The following LRMDA variants were observed in gnomAD, a reference collection of about 807,000 sequenced individuals.
The protein encoded by LRMDA is leucine-rich melanocyte differentiation-associated protein.
Under a neutral mutation model 29.8 loss-of-function variants are expected in LRMDA, and 18 were observed. The ratio of observed to expected loss-of-function variants is 0.60; its 90% CI spans 0.42 to 0.90. The LOEUF is 0.90. Among genes scored for constraint, LRMDA ranks in the 40% least tolerant of loss-of-function variants. LRMDA has a pLI of 0.00. For synonymous variants in LRMDA, 125 were observed against 109.4 expected (o/e 1.14, Z -0.89); for missense variants, 273 against 273.9 (o/e 1.00, Z 0.02).
chr10:75,525,960 CT>C (rs1270257898), intron 2 of LRMDA, among the ~76,000 whole-genome samples: 9 of 151,904 alleles, frequency 5.9e-5, no homozygotes, highest in Non-Finnish European at 1.0e-4. Context: ...GATTGTAAAA[CT>C]CCTTGAAGAT....
At chr10:76,458,568 G>A (rs1177695560) in intron 6 of LRMDA, among the ~76,000 whole-genome samples, 7 of 152,168 alleles carry the variant, frequency 4.6e-5, no homozygotes, top group Non-Finnish European at 7.3e-5. Context: ...GGGGAAGCTT[G>A]AGCTCTGTCT....
In LRMDA at chr10:75,834,544, C is replaced by G. The variant is rs77698280; in HGVS notation, c.132-201464C>G. On this transcript the variant is annotated intron_variant, in intron 2 of 6. Coordinates refer to ENST00000611255, the MANE Select transcript of LRMDA (RefSeq NM_001305581.2). ...ATTAACATCCCTTCCCTCCACTTAT[C>G]TTTTCCTTCTTGCCTTTCACTATAA... Among the ~76,000 whole-genome samples the G allele has an allele frequency of 8.3e-4, 126 of 152,322 alleles. 1 individual carries two copies. Among genetic ancestry groups the G allele is most frequent in the African/African-American group, 2.9e-3 (122 of 41,578 alleles).
At chr10:75,861,436 C>G (rs1844928756) in intron 2 of LRMDA, among the ~76,000 whole-genome samples, 1 of 152,198 alleles carries the variant, frequency 6.6e-6, no homozygotes, top group African/African-American at 2.4e-5. Context: ...TCTTCTGTTA[C>G]AAGAGTCAAG....
intron 2 of LRMDA, among the ~76,000 whole-genome samples, chr10:75,508,156 C>T (rs74505797): frequency 1.3e-3 from 195 of 152,260 alleles, no homozygotes; most frequent in African/African-American, 4.5e-3. Context: ...AATATGTTTG[C>T]TCAGTAGTGT....
intron 6 of LRMDA, among the ~76,000 whole-genome samples, chr10:76,449,306 T>C (rs1243211265): frequency 6.6e-6 from 1 of 151,940 alleles, no homozygotes; most frequent in East Asian, 1.9e-4. Context: ...AAATAGATTT[T>C]GGTGTTTGAT....
At chr10:76,066,265 C>T (rs1315771369) in intron 5 of LRMDA, among the ~76,000 whole-genome samples, 1 of 152,112 alleles carries the variant, frequency 6.6e-6, no homozygotes, top group African/African-American at 2.4e-5. Flanking sequence ...CAACTGGCTG[C>T]CTAGTGGTAC....
intron 6 of LRMDA, among the ~76,000 whole-genome samples, chr10:76,349,031 AG>A (rs1419107330): frequency 6.6e-6 from 1 of 152,122 alleles, no homozygotes; most frequent in African/African-American, 2.4e-5. Flanking sequence ...TGTGTGTAGG[AG>A]GGAAGAGCAT....
At chr10:75,667,382 G>T (rs1033016735) in intron 2 of LRMDA, among the ~76,000 whole-genome samples, 13 of 152,178 alleles carry the variant, frequency 8.5e-5, no homozygotes, top group Non-Finnish European at 1.5e-4. Context: ...ATGACTCACT[G>T]CAGTCTTAAC....
chr10:76,143,915 G>C (rs1246358048), intron 5 of LRMDA, among the ~76,000 whole-genome samples: 1 of 152,192 alleles, frequency 6.6e-6, no homozygotes, highest in Admixed American at 6.5e-5. Flanking sequence ...CATATGGCTA[G>C]CCAGTTTTCC....
At chr10:75,455,505 G>A (rs1390718686) in intron 2 of LRMDA, among the ~76,000 whole-genome samples, 1 of 152,172 alleles carries the variant, frequency 6.6e-6, no homozygotes, top group Non-Finnish European at 1.5e-5. Flanking sequence ...TGGACTTTGA[G>A]AACCTTTCAG....
chr10:75,466,410 C>T (rs1027502961), intron 2 of LRMDA, among the ~76,000 whole-genome samples: 1 of 152,086 alleles, frequency 6.6e-6, no homozygotes. Context: ...GGGGAAGCCT[C>T]TATGGTACCT....
intron 5 of LRMDA, among the ~76,000 whole-genome samples, chr10:76,116,038 G>A (rs555233339): frequency 4.6e-5 from 7 of 152,282 alleles, no homozygotes; most frequent in East Asian, 3.9e-4. Flanking sequence ...GTTATCACTC[G>A]TGGTTTATGT....
intron 5 of LRMDA, among the ~76,000 whole-genome samples, chr10:76,311,379 G>A (rs1840627790): frequency 6.6e-6 from 1 of 151,974 alleles, no homozygotes; most frequent in Admixed American, 6.6e-5. Flanking sequence ...AAGAATCTAA[G>A]GCCATTAAGG....
At chr10:76,152,414 A>T (rs1325636317) in intron 5 of LRMDA, among the ~76,000 whole-genome samples, 4 of 152,214 alleles carry the variant, frequency 2.6e-5, no homozygotes, top group East Asian at 1.9e-4. Context: ...TTATCTATCC[A>T]TTAATCAGTT....
intron 2 of LRMDA, among the ~76,000 whole-genome samples, chr10:75,784,057 G>T (rs80222960): frequency 1.3e-5 from 2 of 152,124 alleles, no homozygotes; most frequent in African/African-American, 4.8e-5. Context: ...GGGACACTTG[G>T]TTTTTCTTAC....
intron 2 of LRMDA, among the ~76,000 whole-genome samples, chr10:76,009,771 C>G (rs892334777): frequency 6.6e-6 from 1 of 152,006 alleles, no homozygotes; most frequent in African/African-American, 2.4e-5. Flanking sequence ...GGTAAATATC[C>G]CAGTCTGACT....
intron 6 of LRMDA, among the ~76,000 whole-genome samples, chr10:76,367,961 T>C (rs1841411265): frequency 6.6e-6 from 1 of 152,212 alleles, no homozygotes; most frequent in African/African-American, 2.4e-5. Context: ...CTTTTTCATT[T>C]CTTAGTGAGG....
chr10:75,672,644 T>C (rs1841911677), intron 2 of LRMDA, among the ~76,000 whole-genome samples: 1 of 136,792 alleles, frequency 7.3e-6, no homozygotes, highest in Non-Finnish European at 1.6e-5. Flanking sequence ...TGGAGCTCCA[T>C]CTCAGCTCAC....
chr10:75,516,374 C>T (rs2132034856), intron 2 of LRMDA, among the ~76,000 whole-genome samples: 1 of 152,298 alleles, frequency 6.6e-6, no homozygotes, highest in South Asian at 2.1e-4. Context: ...CTGTGGTTTC[C>T]TGACTTTTTA....
Sources: gnomAD v4.1 joint callset for allele counts (sites outside exome capture counted in the v4.1 genomes callset) on GRCh38, gnomAD v4.1.1 for gene constraint, MANE v1.5 for transcripts, NCBI Gene and HGNC (gene_info 2026-07-23, HGNC 2026-07-21) for gene names.